The following DACH2 variants were observed in gnomAD, a reference collection of about 807,000 sequenced individuals.
The protein encoded by DACH2 is dachshund homolog 2.
In DACH2, 17 loss-of-function variants were observed where a neutral mutation model predicts 35.8. The ratio of observed to expected loss-of-function variants is 0.48; its 90% CI spans 0.33 to 0.71. DACH2 has a LOEUF of 0.71. DACH2 is among the 30% of genes least tolerant of loss of function. DACH2 has a pLI of 0.02. For missense variants in DACH2, 469 were observed against 472.7 expected (o/e 0.99, Z 0.07); for synonymous variants, 195 against 177.3 (o/e 1.10, Z -0.79).
At chrX:86,318,035 A>T (rs2148033163) in intron 1 of DACH2, among the ~76,000 whole-genome samples, 1 of 112,226 alleles carries the variant, frequency 8.9e-6, no homozygotes, top group East Asian at 2.8e-4. Context: ...TCCTGTTGCA[A>T]AACGAAATGG....
intron 4 of DACH2, among the ~76,000 whole-genome samples, chrX:86,682,996 A>G (rs1368346338): frequency 1.8e-5 from 2 of 110,935 alleles, no homozygotes; most frequent in African/African-American, 3.3e-5. Flanking sequence ...TCAATTTGTC[A>G]TATTTTCCCC....
chrX:86,695,595 C>T (rs1170301337), intron 5 of DACH2, among the ~76,000 whole-genome samples: 1 of 108,688 alleles, frequency 9.2e-6, no homozygotes, highest in Non-Finnish European at 1.9e-5. Context: ...ATTGCAACCT[C>T]CGCCTCCTGG....
chrX:86,274,451 CTTTTTTTTTTTT>C (rs1160584218), intron 1 of DACH2, among the ~76,000 whole-genome samples: 1 of 31,320 alleles, frequency 3.2e-5, no homozygotes, highest in South Asian at 2.3e-3. Flanking sequence ...ACATTAAATC[CTTTTTTTTTTTT>C]TCTTTTTTTT....
chrX:86,292,020 C>T (rs1473187348), intron 1 of DACH2, among the ~76,000 whole-genome samples: 2 of 66,730 alleles, frequency 3.0e-5, no homozygotes, highest in Non-Finnish European at 5.3e-5. Flanking sequence ...CTGCTTGTAC[C>T]TCTGGTAGAA....
chrX:86,483,567 G>A (rs541695486), intron 2 of DACH2, among the ~76,000 whole-genome samples: 7 of 111,152 alleles, frequency 6.3e-5, no homozygotes, highest in South Asian at 3.8e-4. Context: ...GTGGTGGCTC[G>A]TGCCTGTTGT....
chrX:86,273,719 A>C (rs979964958), intron 1 of DACH2, among the ~76,000 whole-genome samples: 1 of 112,274 alleles, frequency 8.9e-6, no homozygotes, highest in African/African-American at 3.2e-5. Flanking sequence ...TGTGGGGAAT[A>C]AAAATCATTC....
chrX:86,411,437 C>A (rs1300855213), intron 2 of DACH2, among the ~76,000 whole-genome samples: 2 of 110,162 alleles, frequency 1.8e-5, no homozygotes, highest in Non-Finnish European at 3.8e-5. Flanking sequence ...CATCACAGGT[C>A]CACTCCTTGT....
intron 1 of DACH2, among the ~76,000 whole-genome samples, chrX:86,293,946 A>T (rs1288478095): frequency 1.8e-5 from 2 of 110,693 alleles, no homozygotes; most frequent in African/African-American, 6.6e-5. Flanking sequence ...CATTCTCTGT[A>T]TTTCCTGAAT....
At chrX:86,464,654 T>A (rs777441183) in intron 2 of DACH2, among the ~76,000 whole-genome samples, 1,422 of 111,013 alleles carry the variant, frequency 0.013, 19 homozygotes, top group Non-Finnish European at 0.022. Flanking sequence ...ACCTGCATGT[T>A]CTGCACATGT....
intron 2 of DACH2, among the ~76,000 whole-genome samples, chrX:86,420,435 G>A (rs2036782627): frequency 9.0e-6 from 1 of 111,660 alleles, no homozygotes; most frequent in Non-Finnish European, 1.9e-5. Context: ...TTATGAATTT[G>A]CATCTTTAGA....
chrX:86,714,787 A>G, intron 6 of DACH2, 67 bp downstream of exon 6: 1 of 962,743 alleles, frequency 1.0e-6, no homozygotes, highest in East Asian at 3.2e-5. Flanking sequence ...AAATATTTAC[A>G]ATCCCACTGG....
intron 2 of DACH2, among the ~76,000 whole-genome samples, chrX:86,415,633 T>A (rs899688206): frequency 1.8e-5 from 2 of 111,375 alleles, no homozygotes; most frequent in African/African-American, 6.5e-5. Context: ...TGCAATTCAA[T>A]TTGCTGAATG....
chrX:86,650,199 T>C (rs1484670865), intron 3 of DACH2, among the ~76,000 whole-genome samples: 1 of 110,650 alleles, frequency 9.0e-6, no homozygotes, highest in Non-Finnish European at 1.9e-5. Flanking sequence ...CCCACCTTTT[T>C]ATACCATTAT....
At chrX:86,732,481 T>C (rs2041542487) in intron 6 of DACH2, among the ~76,000 whole-genome samples, 1 of 112,339 alleles carries the variant, frequency 8.9e-6, no homozygotes, top group Non-Finnish European at 1.9e-5. Flanking sequence ...ATAAGATGCA[T>C]TCAGAAGCAG....
intron 3 of DACH2, among the ~76,000 whole-genome samples, chrX:86,572,510 T>C (rs1024054327): frequency 8.9e-5 from 10 of 111,909 alleles, no homozygotes; most frequent in Non-Finnish European, 1.7e-4. Flanking sequence ...CTTTTTCTTT[T>C]TCATTCTGTA....
intron 4 of DACH2, among the ~76,000 whole-genome samples, chrX:86,686,730 G>A (rs2040948808): frequency 8.9e-6 from 1 of 111,755 alleles, no homozygotes; most frequent in South Asian, 3.7e-4. Context: ...TGTATTTTAA[G>A]TTATGCAAAC....
At chrX:86,154,427 T>C (rs2030473494) in intron 1 of DACH2, among the ~76,000 whole-genome samples, 1 of 111,512 alleles carries the variant, frequency 9.0e-6, no homozygotes, top group Non-Finnish European at 1.9e-5. Context: ...TGGTTGCATT[T>C]ATTTCCTCCT....
At chrX:86,418,888 G>A (rs2036753882) in intron 2 of DACH2, among the ~76,000 whole-genome samples, 1 of 111,755 alleles carries the variant, frequency 8.9e-6, no homozygotes, top group Non-Finnish European at 1.9e-5. Context: ...CAGCGCCCAA[G>A]TCACCCCTTG....
At chrX:86,812,327 G>A (rs898119145) in intron 7 of DACH2, among the ~76,000 whole-genome samples, 7 of 111,432 alleles carry the variant, frequency 6.3e-5, no homozygotes, top group Non-Finnish European at 1.3e-4. Flanking sequence ...ATGGACATGA[G>A]GAGTCTTTAT....
Sources: allele counts gnomAD v4.1 joint callset (sites outside exome capture counted in the v4.1 genomes callset), GRCh38; gene constraint gnomAD v4.1.1; transcripts MANE v1.5; gene names NCBI Gene and HGNC (gene_info 2026-07-23, HGNC 2026-07-21).